The following CADM2 variants were observed in gnomAD, a reference collection of about 807,000 sequenced individuals.
The protein encoded by CADM2 is cell adhesion molecule 2, also known as immunoglobulin superfamily member 4D.
Under a neutral mutation model 49.8 loss-of-function variants are expected in CADM2, and 12 were observed. The observed-to-expected ratio is 0.24, with a 90% confidence interval of 0.15 to 0.39. CADM2 has a LOEUF of 0.39. Ranked by LOEUF, CADM2 falls within the 10% of genes least tolerant of loss-of-function variation. The pLI is 1.00. For synonymous variants in CADM2, 214 were observed against 175.4 expected (o/e 1.22, Z -1.74); for missense variants, 378 against 492.3 (o/e 0.77, Z 2.20).
chr3:85,560,339 T>A (rs1219901104), intron 1 of CADM2, among the ~76,000 whole-genome samples: 1 of 152,166 alleles, frequency 6.6e-6, no homozygotes, highest in Non-Finnish European at 1.5e-5. Flanking sequence ...TTAAAACCAT[T>A]ATTGATGGTA....
chr3:85,715,855 A>T (rs1462992405), intron 1 of CADM2, among the ~76,000 whole-genome samples: 3 of 152,188 alleles, frequency 2.0e-5, no homozygotes, highest in African/African-American at 4.8e-5. Context: ...TTATAGCTGC[A>T]TAGTATTCCA....
intron 1 of CADM2, among the ~76,000 whole-genome samples, chr3:85,521,746 G>A (rs1330485131): frequency 2.6e-5 from 4 of 152,026 alleles, no homozygotes; most frequent in East Asian, 1.9e-4. Flanking sequence ...CACATTTGAC[G>A]GGTGAGGGAA....
intron 1 of CADM2, among the ~76,000 whole-genome samples, chr3:84,988,038 A>G (rs1559604327): frequency 6.6e-6 from 1 of 152,212 alleles, no homozygotes; most frequent in Non-Finnish European, 1.5e-5. Flanking sequence ...TGGAGAAAAC[A>G]AAACAAAACA....
At chr3:85,900,341 A>G (rs1388282565) in intron 5 of CADM2, among the ~76,000 whole-genome samples, 2 of 152,164 alleles carry the variant, frequency 1.3e-5, no homozygotes, top group Admixed American at 1.3e-4. Context: ...AATTTAAAAG[A>G]TGAAAATGAA....
At position 85,738,980 on chromosome 3, in the gene CADM2, G is replaced by T. The variant is rs566218851; in HGVS notation, c.88+12432G>T. Reference sequence around the variant, plus strand: ...TTAAAATTGATTCCACCACTTAACAGATATATCAATCTCAATGATTTAAAA... The same window carrying T: ...TTAAAATTGATTCCACCACTTAACATATATATCAATCTCAATGATTTAAAA... On this transcript the variant is annotated intron_variant, in intron 2 of 9. Coordinates refer to ENST00000383699, the MANE Select transcript of CADM2 (RefSeq NM_001167675.2). Among the ~76,000 whole-genome samples, 352 of 152,144 alleles carry T rather than the reference G, an allele frequency of 2.3e-3. 1 individual carries two copies. The highest frequency in any genetic ancestry group is 8.2e-3 in the African/African-American group (339 of 41,542).
chr3:85,155,047 C>T (rs2040061747), intron 1 of CADM2, among the ~76,000 whole-genome samples: 1 of 148,270 alleles, frequency 6.7e-6, no homozygotes, highest in African/African-American at 2.6e-5. Context: ...AGCAAAATAA[C>T]CAGCTAACAT....
intron 3 of CADM2, among the ~76,000 whole-genome samples, chr3:85,811,097 G>T (rs1247811156): frequency 6.6e-6 from 1 of 152,118 alleles, no homozygotes; most frequent in African/African-American, 2.4e-5. Flanking sequence ...ACATATGCAT[G>T]CCTAAATTGT....
At chr3:85,557,947 A>G (rs1483415396) in intron 1 of CADM2, among the ~76,000 whole-genome samples, 1 of 152,090 alleles carries the variant, frequency 6.6e-6, no homozygotes, top group Non-Finnish European at 1.5e-5. Context: ...ACGTTCGTAA[A>G]GAGAAAACCT....
chr3:85,537,916 G>A (rs1207982700), intron 1 of CADM2, among the ~76,000 whole-genome samples: 1 of 151,898 alleles, frequency 6.6e-6, no homozygotes, highest in Non-Finnish European at 1.5e-5. Flanking sequence ...GTTTTGACTC[G>A]GGGCTTGATG....
intron 2 of CADM2, among the ~76,000 whole-genome samples, chr3:85,797,273 T>G (rs2108054222): frequency 6.6e-6 from 1 of 152,178 alleles, no homozygotes; most frequent in African/African-American, 2.4e-5. Context: ...ATTTTTTTTT[T>G]AACTTCAAGT....
At chr3:85,101,802 G>A (rs1405737564) in intron 1 of CADM2, among the ~76,000 whole-genome samples, 2 of 152,194 alleles carry the variant, frequency 1.3e-5, no homozygotes, top group African/African-American at 4.8e-5. Flanking sequence ...ATGCTGAGGT[G>A]ATGCTTGAGT....
rs369556295 is a variant in CADM2, at chr3:85,154,282, T to G, written c.61+194614T>G. ...GCTGAAAACCAAGGCTCGAGAACTATGTGAAGAATGCAGAAGCCTCAGGAG... is the reference window on the plus strand; with the variant it reads ...GCTGAAAACCAAGGCTCGAGAACTAGGTGAAGAATGCAGAAGCCTCAGGAG... On this transcript the variant is annotated intron_variant, in intron 1 of 9. Transcript: ENST00000383699. 1.3e-5 allele frequency among the ~76,000 whole-genome samples: 2 copies of G among 152,040 alleles called. 1 individual carries two copies. The highest frequency in any genetic ancestry group is 2.9e-5 in the Non-Finnish European group (2 of 68,000).
rs577913838 is a variant in CADM2 at position 85,409,014 on chromosome 3, AT to A, written c.62-317505del. ...GTCCTTTTGACATTTTAAGACAAAT[AT>A]TTCACTACATTCTCAGTAGTGAAAT... On this transcript the variant is annotated intron_variant, in intron 1 of 9. Transcript: ENST00000383699. Among the ~76,000 whole-genome samples, 36 of 152,262 alleles carry A rather than the reference AT, an allele frequency of 2.4e-4. No individual in the cohort carries two copies. The East Asian group carries it at 6.4e-3, about 27-fold the overall frequency.
At chr3:85,233,305 C>G (rs577434924) in intron 1 of CADM2, among the ~76,000 whole-genome samples, 1 of 152,138 alleles carries the variant, frequency 6.6e-6, no homozygotes, top group African/African-American at 2.4e-5. Context: ...TGTGTAACAC[C>G]AAAATGATGG....
intron 7 of CADM2, among the ~76,000 whole-genome samples, chr3:85,947,482 A>G (rs1722878178): frequency 6.6e-6 from 1 of 151,550 alleles, no homozygotes; most frequent in Non-Finnish European, 1.5e-5. Context: ...TAAAAGCAAT[A>G]TAGTCAGTTT....
At chr3:85,781,987 T>A (rs1372431895) in intron 2 of CADM2, among the ~76,000 whole-genome samples, 2 of 152,228 alleles carry the variant, frequency 1.3e-5, no homozygotes, top group African/African-American at 4.8e-5. Flanking sequence ...CACTTATGCT[T>A]TGCTACTTTG....
chr3:85,192,187 T>C (rs987828381), intron 1 of CADM2, among the ~76,000 whole-genome samples: 1 of 152,050 alleles, frequency 6.6e-6, no homozygotes, highest in Non-Finnish European at 1.5e-5. Context: ...CTAAATGGTG[T>C]AATTAGGACA....
chr3:85,258,704 C>G (rs2042945406), intron 1 of CADM2, among the ~76,000 whole-genome samples: 1 of 152,090 alleles, frequency 6.6e-6, no homozygotes, highest in Admixed American at 6.6e-5. Flanking sequence ...TTTATTTTAT[C>G]TAACACTTTA....
Position 85,769,535 on chromosome 3 carries a change from A to T in CADM2, c.89-32512A>T, listed in dbSNP as rs2069929146. On this transcript the variant is annotated intron_variant, in intron 2 of 9. Transcript: ENST00000383699. ...TACACGTATATACATATATGTATAT[A>T]TACACGTATATACATATATGTATAT... Among the ~76,000 whole-genome samples, 2 of 122,358 alleles carry T rather than the reference A, an allele frequency of 1.6e-5. 1 individual carries two copies. Among genetic ancestry groups the T allele is most frequent in the Non-Finnish European group, 3.2e-5 (2 of 63,090 alleles). 80.3% of individuals were successfully genotyped at this position (122,358 alleles called of 152,430 possible).
Sources: gnomAD v4.1 joint callset for allele counts (sites outside exome capture counted in the v4.1 genomes callset) on GRCh38, gnomAD v4.1.1 for gene constraint, MANE v1.5 for transcripts, NCBI Gene and HGNC (gene_info 2026-07-23, HGNC 2026-07-21) for gene names.